Variants in MECOM observed in about 807,000 individuals in gnomAD.
MECOM encodes the protein histone-lysine N-methyltransferase MECOM.
Under a neutral mutation model 116.3 loss-of-function variants are expected in MECOM, and 13 were observed. The ratio of observed to expected loss-of-function variants is 0.11; its 90% CI spans 0.07 to 0.18. The LOEUF (loss-of-function observed/expected upper bound fraction) is 0.18, where lower values mean the gene tolerates loss of function less well. Among genes scored for constraint, MECOM ranks in the 10% least tolerant of loss-of-function variants. The pLI, the probability that MECOM is intolerant of heterozygous loss-of-function variation, is 1.00. For synonymous variants in MECOM, 528 were observed against 535.2 expected, an observed-to-expected ratio of 0.99 and a Z score of 0.19; for missense variants, 1,299 against 1,509.0, an observed-to-expected ratio of 0.86 and a Z score of 2.31.
intron 1 of MECOM, among the ~76,000 whole-genome samples, chr3:169,419,199 A>G (rs1739276543): frequency 6.6e-6 from 1 of 152,182 alleles, no homozygotes; most frequent in African/African-American, 2.4e-5. Context: ...GATGTGAAAG[A>G]CCTCTTCAAG....
intron 1 of MECOM, among the ~76,000 whole-genome samples, chr3:169,511,662 G>T (rs1387278508): frequency 1.3e-5 from 2 of 151,998 alleles, no homozygotes; most frequent in Admixed American, 6.5e-5. Context: ...TACTCAACTT[G>T]GGAGGCTGAG....
At chr3:169,583,684 C>T (rs1765388377) in intron 1 of MECOM, among the ~76,000 whole-genome samples, 1 of 151,786 alleles carries the variant, frequency 6.6e-6, no homozygotes, top group South Asian at 2.1e-4. Flanking sequence ...GACAGAGTCT[C>T]ACTGTGTCAC....
intron 1 of MECOM, among the ~76,000 whole-genome samples, chr3:169,637,171 A>G (rs912117325): frequency 1.3e-5 from 2 of 152,092 alleles, no homozygotes; most frequent in African/African-American, 4.8e-5. Flanking sequence ...AAGAACCTCA[A>G]CTGAACTCTG....
At chr3:169,393,360 C>T (rs964012683) in intron 1 of MECOM, among the ~76,000 whole-genome samples, 2 of 152,024 alleles carry the variant, frequency 1.3e-5, no homozygotes, top group Non-Finnish European at 2.9e-5. Context: ...ACACTACCCA[C>T]CAGATAATGA....
intron 1 of MECOM, among the ~76,000 whole-genome samples, chr3:169,587,426 AACACACACACACACACACACAC>A (rs3980637): frequency 7.1e-5 from 10 of 140,990 alleles, no homozygotes; most frequent in Admixed American, 1.4e-4. Context: ...CCCACACGCC[AACACACACACACACACACACAC>A]ACACACACAC....
intron 1 of MECOM, among the ~76,000 whole-genome samples, chr3:169,384,298 T>C (rs1240015205): frequency 6.6e-6 from 1 of 152,182 alleles, no homozygotes; most frequent in Admixed American, 6.5e-5. Flanking sequence ...TTTAAACCTG[T>C]AGAAATAGAA....
chr3:169,197,799 A>G (rs1170005905), intron 2 of MECOM, among the ~76,000 whole-genome samples: 1 of 152,042 alleles, frequency 6.6e-6, no homozygotes, highest in Non-Finnish European at 1.5e-5. Context: ...ATCTCTTTAT[A>G]AAATTACTGG....
At chr3:169,145,029 G>A (rs965026541) in intron 2 of MECOM, 2 of 1,556,156 alleles carry the variant, frequency 1.3e-6, no homozygotes, top group Admixed American at 3.9e-5. Context: ...GTGCTCCAAG[G>A]GCTTTAGTCA....
intron 2 of MECOM, among the ~76,000 whole-genome samples, chr3:169,331,075 C>T (rs980509483): frequency 2.6e-5 from 4 of 151,756 alleles, no homozygotes; most frequent in Non-Finnish European, 5.9e-5. Flanking sequence ...TAACTACTAC[C>T]CCACCCTGTT....
intron 2 of MECOM, among the ~76,000 whole-genome samples, chr3:169,259,901 T>C (rs1339136141): frequency 6.6e-6 from 1 of 152,212 alleles, no homozygotes; most frequent in Non-Finnish European, 1.5e-5. Context: ...ACTTCACAAA[T>C]CACTTGTTGT....
chr3:169,650,716 C>G (rs980064336), intron 1 of MECOM, among the ~76,000 whole-genome samples: 1 of 151,868 alleles, frequency 6.6e-6, no homozygotes, highest in Non-Finnish European at 1.5e-5. Flanking sequence ...CTGCTGTGAC[C>G]GTGTCTCAGA....
At chr3:169,345,576 T>G (rs1341843612) in intron 2 of MECOM, among the ~76,000 whole-genome samples, 1 of 152,096 alleles carries the variant, frequency 6.6e-6, no homozygotes, top group Non-Finnish European at 1.5e-5. Context: ...ACTCTAAAAC[T>G]TAGCAGCACC....
At chr3:169,445,217 G>A (rs1744420453) in intron 1 of MECOM, among the ~76,000 whole-genome samples, 1 of 152,166 alleles carries the variant, frequency 6.6e-6, no homozygotes, top group Non-Finnish European at 1.5e-5. Flanking sequence ...CCATGTCAGA[G>A]ACCTTCATGG....
chr3:169,499,377 A>G (rs1754247904), intron 1 of MECOM, among the ~76,000 whole-genome samples: 2 of 144,136 alleles, frequency 1.4e-5, no homozygotes, highest in African/African-American at 5.1e-5. Context: ...AAAAAAGAGT[A>G]TAGTCAGAAT....
At chr3:169,297,685 A>G (rs754195107) in intron 2 of MECOM, among the ~76,000 whole-genome samples, 2 of 152,200 alleles carry the variant, frequency 1.3e-5, no homozygotes, top group Non-Finnish European at 2.9e-5. Context: ...TGTAAACGTC[A>G]ATGATAATCT....
In MECOM at chr3:169,345,881, C is replaced by T. The variant is rs545612007; in HGVS notation, c.375+35306G>A. Among the ~76,000 whole-genome samples the T allele has an allele frequency of 2.7e-3, 404 of 152,224 alleles. 1 individual carries two copies. The highest frequency in any genetic ancestry group is 9.1e-3 in the African/African-American group (380 of 41,552). The stretch of plus-strand genomic sequence containing the variant: ...GGAAATATCTGCATACACCTCTGTG[C>T]TATCTAGAGTCAACACTGGTGAAAA... On this transcript the variant is annotated intron_variant, in intron 2 of 16. Transcript: ENST00000651503.
intron 2 of MECOM, among the ~76,000 whole-genome samples, chr3:169,171,311 C>T (rs550893418): frequency 6.6e-6 from 1 of 152,016 alleles, no homozygotes; most frequent in Non-Finnish European, 1.5e-5. Context: ...TAATAAGAAC[C>T]AGTAACTCAA....
intron 2 of MECOM, among the ~76,000 whole-genome samples, chr3:169,298,395 A>G (rs946763898): frequency 6.6e-6 from 1 of 151,874 alleles, no homozygotes; most frequent in Non-Finnish European, 1.5e-5. Context: ...ATCAATATGA[A>G]GATGCAGAGA....
At chr3:169,147,176 A>G in intron 2 of MECOM, 5 of 985,428 alleles carry the variant, frequency 5.1e-6, no homozygotes, top group Non-Finnish European at 6.0e-6. Context: ...TCTGAAACCC[A>G]CTAAAACTTC....
Sources: gnomAD v4.1 joint callset for allele counts (sites outside exome capture counted in the v4.1 genomes callset) on GRCh38, gnomAD v4.1.1 for gene constraint, MANE v1.5 for transcripts, NCBI Gene and HGNC (gene_info 2026-07-23, HGNC 2026-07-21) for gene names.